The following SMCO4 variants were observed in gnomAD, a reference collection of about 807,000 sequenced individuals.
SMCO4 encodes single-pass membrane protein with coiled-coil domains 4, also known as single-pass membrane and coiled-coil domain-containing protein 4.
In SMCO4, 4 loss-of-function variants were observed where a neutral mutation model predicts 3.6. The observed-to-expected ratio is 1.11, with a 90% confidence interval of 0.54 to 2.53. SMCO4 has a LOEUF of 2.53. Ranked by LOEUF, SMCO4 falls within the 30% of genes most tolerant of loss-of-function variation. The probability of loss-of-function intolerance (pLI) is 0.02; values close to 1 mark genes in which losing one functional copy is unlikely to be tolerated. For missense variants in SMCO4, 70 were observed against 80.8 expected, an observed-to-expected ratio of 0.87 and a Z score of 0.51; for synonymous variants, 36 against 35.3, an observed-to-expected ratio of 1.02 and a Z score of -0.07.
At chr11:93,492,860 C>A (rs925767278) in intron 2 of SMCO4, among the ~76,000 whole-genome samples, 1 of 152,158 alleles carries the variant, frequency 6.6e-6, no homozygotes, top group African/African-American at 2.4e-5. Context: ...ATGTGTGCTT[C>A]ACTGCAGACC....
At chr11:93,516,787 CAAAA>C (rs896063554) in intron 1 of SMCO4, among the ~76,000 whole-genome samples, 2 of 145,724 alleles carry the variant, frequency 1.4e-5, no homozygotes, top group African/African-American at 5.0e-5. Context: ...AAGACTCTGT[CAAAA>C]AAAAGAAAAA....
intron 2 of SMCO4, among the ~76,000 whole-genome samples, chr11:93,484,800 C>A (rs371209712): frequency 4.0e-5 from 6 of 151,564 alleles, no homozygotes; most frequent in African/African-American, 1.5e-4. Context: ...AGGTTTGATG[C>A]GAGAAGCCTG....
chr11:93,545,523 G>C (rs1949309081), upstream of SMCO4, among the ~76,000 whole-genome samples: 1 of 139,206 alleles, frequency 7.2e-6, no homozygotes. Context: ...AGAAGGCGGA[G>C]GTTGTAGTGA....
At chr11:93,486,019 C>T (rs1271149952) in intron 2 of SMCO4, among the ~76,000 whole-genome samples, 2 of 152,188 alleles carry the variant, frequency 1.3e-5, no homozygotes, top group African/African-American at 4.8e-5. Flanking sequence ...AGGATTTGAA[C>T]TCAGATGTGA....
intron 1 of SMCO4, among the ~76,000 whole-genome samples, chr11:93,508,594 C>A (rs1948930013): frequency 6.6e-6 from 1 of 152,122 alleles, no homozygotes; most frequent in Non-Finnish European, 1.5e-5. Context: ...TCATTAGTAA[C>A]AAAGTGCAGG....
chr11:93,547,846 G>A (rs146290594), upstream of SMCO4, among the ~76,000 whole-genome samples: 210 of 152,312 alleles, frequency 1.4e-3, no homozygotes, highest in African/African-American at 4.8e-3. Flanking sequence ...ACAAAGACTC[G>A]TGTGCAGGAT....
chr11:93,499,575 C>G (rs1483798159), intron 1 of SMCO4, among the ~76,000 whole-genome samples: 1 of 152,204 alleles, frequency 6.6e-6, no homozygotes, highest in African/African-American at 2.4e-5. Flanking sequence ...CAAGCAGCCC[C>G]TGCATGGAGT....
chr11:93,512,617 G>A (rs749310083), intron 1 of SMCO4, among the ~76,000 whole-genome samples: 22 of 152,170 alleles, frequency 1.4e-4, no homozygotes, highest in Non-Finnish European at 2.8e-4. Context: ...ACAGTATCCA[G>A]TATAGCAACA....
intron 1 of SMCO4, among the ~76,000 whole-genome samples, chr11:93,538,303 G>C (rs1949245128): frequency 6.6e-6 from 1 of 152,172 alleles, no homozygotes; most frequent in Non-Finnish European, 1.5e-5. Context: ...ACCCCTGCAA[G>C]TTTGGTGACC....
intron 2 of SMCO4, among the ~76,000 whole-genome samples, chr11:93,488,202 A>AG (rs1948672618): frequency 6.6e-6 from 1 of 152,246 alleles, no homozygotes; most frequent in South Asian, 2.1e-4. Flanking sequence ...CAGGCAGGGC[A>AG]GGACCCATGC....
At chr11:93,499,544 C>T (rs1948814410) in intron 1 of SMCO4, among the ~76,000 whole-genome samples, 196 bp from the exon 2 acceptor site, 2 of 152,200 alleles carry the variant, frequency 1.3e-5, no homozygotes, top group Non-Finnish European at 2.9e-5. Context: ...CACATGTGTG[C>T]ATGTGCGTGA....
intron 2 of SMCO4, among the ~76,000 whole-genome samples, chr11:93,480,553 C>A (rs2658799): frequency 0.56 from 85,126 of 152,000 alleles, 24,349 homozygotes; most frequent in East Asian, 0.85. Flanking sequence ...GGTATCAGGG[C>A]TATATCAAAG....
chr11:93,551,302 A>G, the SMCO4 span, among the ~76,000 whole-genome samples: 1 of 152,224 alleles, frequency 6.6e-6, no homozygotes, highest in African/African-American at 2.4e-5. Context: ...GTGATCTGAA[A>G]GTTTGACCAA....
At chr11:93,506,616 T>C (rs1454025200) in intron 1 of SMCO4, among the ~76,000 whole-genome samples, 4 of 152,026 alleles carry the variant, frequency 2.6e-5, no homozygotes, top group African/African-American at 9.7e-5. Flanking sequence ...TTTTTTGTTT[T>C]TTTTGTAGTA....
chr11:93,502,075 G>A (rs963815967), intron 1 of SMCO4, among the ~76,000 whole-genome samples: 15 of 151,714 alleles, frequency 9.9e-5, no homozygotes, highest in South Asian at 6.3e-4. Flanking sequence ...CCTTTCCCAC[G>A]GCTGATCTCC....
rs190916540 is a variant in SMCO4 at position 93,524,716 on chromosome 11, G to A, written c.-154+18560C>T. ...GTCCTCCAAAATGCAGGGAAGGCACGGAGTACTGATGATGAGGAATGGTGG... is the reference window on the plus strand; with the variant it reads ...GTCCTCCAAAATGCAGGGAAGGCACAGAGTACTGATGATGAGGAATGGTGG... On this transcript the variant is annotated intron_variant, in intron 1 of 2. Coordinates refer to ENST00000298966, the MANE Select transcript of SMCO4 (RefSeq NM_020179.3). Among the ~76,000 whole-genome samples, 89 of 152,270 alleles carry A rather than the reference G, an allele frequency of 5.8e-4. No homozygotes were observed. In the East Asian group the frequency reaches 0.013, roughly 22 times the overall value.
intron 2 of SMCO4, among the ~76,000 whole-genome samples, chr11:93,496,589 CTAT>C (rs1401413548): frequency 6.6e-6 from 1 of 152,014 alleles, no homozygotes; most frequent in Non-Finnish European, 1.5e-5. Flanking sequence ...TGACCCCTGT[CTAT>C]CCTCTCATGG....
intron 1 of SMCO4, chr11:93,535,491 A>G: frequency 7.2e-7 from 1 of 1,394,854 alleles, no homozygotes; most frequent in Non-Finnish European, 1.0e-6. Flanking sequence ...GAGAGCGAGC[A>G]GCTCCTGACG....
At chr11:93,495,671 T>TG (rs1565376714) in intron 2 of SMCO4, among the ~76,000 whole-genome samples, 2 of 152,004 alleles carry the variant, frequency 1.3e-5, no homozygotes, top group African/African-American at 4.8e-5. Context: ...AATATGTGGG[T>TG]GGGGGATGGG....
Sources: allele counts gnomAD v4.1 joint callset (sites outside exome capture counted in the v4.1 genomes callset), GRCh38; gene constraint gnomAD v4.1.1; transcripts MANE v1.5; gene names NCBI Gene and HGNC (gene_info 2026-07-23, HGNC 2026-07-21).